Variants in MTUS2 observed in about 807,000 individuals in gnomAD.
MTUS2 encodes microtubule associated scaffold protein 2, also known as microtubule-associated tumor suppressor candidate 2.
Under a neutral mutation model 114.1 loss-of-function variants are expected in MTUS2, and 40 were observed. The observed-to-expected ratio is 0.35, with a 90% CI of 0.27 to 0.46. The LOEUF (loss-of-function observed/expected upper bound fraction) is 0.46, where lower values mean the gene tolerates loss of function less well. MTUS2 is among the 20% of genes least tolerant of loss of function. The pLI is 1.00. For synonymous variants in MTUS2, 688 were observed against 672.0 expected, an observed-to-expected ratio of 1.02 and a Z score of -0.37; for missense variants, 1,679 against 1,705.4, an observed-to-expected ratio of 0.98 and a Z score of 0.27.
At chr13:29,313,239 G>A (rs938210473) in intron 6 of MTUS2, among the ~76,000 whole-genome samples, 1 of 152,130 alleles carries the variant, frequency 6.6e-6, no homozygotes, top group African/African-American at 2.4e-5. Flanking sequence ...TTACGAAGTT[G>A]CAGTGACTGT....
At chr13:29,305,328 A>G (rs1371284667) in intron 6 of MTUS2, among the ~76,000 whole-genome samples, 2 of 146,576 alleles carry the variant, frequency 1.4e-5, no homozygotes, top group East Asian at 4.0e-4. Flanking sequence ...AAAACCTGTT[A>G]AAAAATCAAC....
At chr13:29,080,530 T>C (rs924853623) in intron 4 of MTUS2, among the ~76,000 whole-genome samples, 4 of 152,182 alleles carry the variant, frequency 2.6e-5, no homozygotes, top group Non-Finnish European at 5.9e-5. Context: ...ATCTCAAAGC[T>C]GAAGAACTTG....
At chr13:28,988,345 CTA>C (rs1323143248) in intron 2 of MTUS2, among the ~76,000 whole-genome samples, 1 of 152,174 alleles carries the variant, frequency 6.6e-6, no homozygotes, top group Non-Finnish European at 1.5e-5. Context: ...ACCTACCTGG[CTA>C]TGTCATCATG....
chr13:28,981,038 C>CAT (rs1884335243), intron 2 of MTUS2, among the ~76,000 whole-genome samples: 1 of 152,188 alleles, frequency 6.6e-6, no homozygotes, highest in South Asian at 2.1e-4. Flanking sequence ...CTCAGGAGAC[C>CAT]TTGAATGGAA....
intron 8 of MTUS2, among the ~76,000 whole-genome samples, chr13:29,372,438 C>T (rs551457440): frequency 6.6e-6 from 1 of 151,968 alleles, no homozygotes; most frequent in African/African-American, 2.4e-5. Flanking sequence ...TTTCTTGCTG[C>T]CCTAAATTAC....
chr13:28,917,765 G>A (rs1286747838), intron 2 of MTUS2, among the ~76,000 whole-genome samples: 1 of 151,690 alleles, frequency 6.6e-6, no homozygotes, highest in Non-Finnish European at 1.5e-5. Context: ...CTAATTTTGG[G>A]TTTGGCTTGC....
At chr13:29,017,760 G>C (rs1281510876) in intron 2 of MTUS2, among the ~76,000 whole-genome samples, 2 of 151,866 alleles carry the variant, frequency 1.3e-5, no homozygotes, top group Non-Finnish European at 2.9e-5. Flanking sequence ...CTGAGGTTAG[G>C]ATGAGATTAC....
At chr13:29,339,732 A>G in intron 7 of MTUS2, 1 of 179,994 alleles carries the variant, frequency 5.6e-6, no homozygotes, top group East Asian at 1.8e-4. Flanking sequence ...ATACGGGCAT[A>G]GTCCCAGTTG....
Position 29,098,682 on chromosome 13 carries a change from C to G in MTUS2, c.2447-2091C>G, listed in dbSNP as rs1471902476. On this transcript the variant is annotated intron_variant, in intron 4 of 15. Transcript: ENST00000612955. ...AACAATAATGGAATATAAGTAAGTG[C>G]AGAATAAGATAAATTTCTTTTTGAA... Among the ~76,000 whole-genome samples the G allele has an allele frequency of 3.9e-5, 6 of 152,268 alleles. No homozygotes were observed. The East Asian group carries it at 1.2e-3, about 29-fold the overall frequency.
chr13:28,901,677 G>C (rs1879652069), intron 2 of MTUS2, among the ~76,000 whole-genome samples: 2 of 152,108 alleles, frequency 1.3e-5, no homozygotes, highest in Non-Finnish European at 1.5e-5. Context: ...ATATTTTTGT[G>C]AATCTATCTC....
intron 4 of MTUS2, among the ~76,000 whole-genome samples, chr13:29,096,893 G>A (rs116060458): frequency 0.011 from 1,707 of 152,256 alleles, 31 homozygotes; most frequent in African/African-American, 0.039. Flanking sequence ...ATTGGGAAAT[G>A]GTGATTGGGG....
At chr13:28,965,607 CAT>C (rs746458090) in intron 2 of MTUS2, among the ~76,000 whole-genome samples, 22 of 152,032 alleles carry the variant, frequency 1.4e-4, no homozygotes, top group Non-Finnish European at 2.9e-4. Context: ...CACATATATA[CAT>C]ATATGTGTGT....
chr13:29,410,020 A>C (rs1035291610), intron 8 of MTUS2, among the ~76,000 whole-genome samples: 1 of 152,106 alleles, frequency 6.6e-6, no homozygotes, highest in Non-Finnish European at 1.5e-5. Flanking sequence ...GTTTTATTAG[A>C]TTTTGCCAAA....
chr13:29,472,427 G>T (rs1056324145), intron 9 of MTUS2, among the ~76,000 whole-genome samples: 5 of 152,204 alleles, frequency 3.3e-5, no homozygotes, highest in South Asian at 2.1e-4. Context: ...ACAGGGTAGT[G>T]TGTCCGGGAT....
chr13:29,253,104 T>G lies in MTUS2; in HGVS notation c.2645-28600T>G, dbSNP rs149377991. 4.0e-5 allele frequency among the ~76,000 whole-genome samples: 6 copies of G among 150,156 alleles called. No individual in the cohort carries two copies. In the East Asian group the frequency reaches 1.2e-3, roughly 30 times the overall value. ...CTTTTTTTTTTTTCTTCTCAGGGCC[T>G]CATCCTGGGTTATTTTCTCTCTCTA... On this transcript the variant is annotated intron_variant, in intron 5 of 15. Coordinates refer to ENST00000612955, the MANE Select transcript of MTUS2 (RefSeq NM_001033602.4).
Position 29,504,582 on chromosome 13 carries a change from G to C in MTUS2, c.*1376G>C, listed in dbSNP as rs12050069. On this transcript the variant is annotated 3_prime_UTR_variant, in exon 16 of 16. Transcript: ENST00000612955. ...GCCCAGTGAAACAGCCAGCCAGGGGGCACCAGCTCCTGGACTGGCATCTGT... is the reference window on the plus strand; with the variant it reads ...GCCCAGTGAAACAGCCAGCCAGGGGCCACCAGCTCCTGGACTGGCATCTGT... 27,594 of 232,748 alleles carry C rather than the reference G, an allele frequency of 0.12. 4,617 individuals carry two copies. The highest frequency in any genetic ancestry group is 0.65 in the East Asian group (10,666 of 16,514). The allele number at this position is 232,748 out of a possible 1,614,324, so 14.4% of individuals were successfully genotyped here.
chr13:28,921,734 T>C (rs1881051874), intron 2 of MTUS2, among the ~76,000 whole-genome samples: 1 of 152,210 alleles, frequency 6.6e-6, no homozygotes, highest in South Asian at 2.1e-4. Flanking sequence ...CCTCTCTGGC[T>C]AAGTCTGGTC....
intron 4 of MTUS2, among the ~76,000 whole-genome samples, chr13:29,099,470 A>G (rs1209990981): frequency 6.7e-6 from 1 of 150,206 alleles, no homozygotes; most frequent in Non-Finnish European, 1.5e-5. Flanking sequence ...GTACTTTTCT[A>G]TGTACCATTT....
At chr13:29,418,002 A>G (rs1362412999) in intron 8 of MTUS2, among the ~76,000 whole-genome samples, 1 of 152,078 alleles carries the variant, frequency 6.6e-6, no homozygotes, top group African/African-American at 2.4e-5. Flanking sequence ...AGGGATTTGT[A>G]TCTTTTGATT....
Sources: allele counts gnomAD v4.1 joint callset (sites outside exome capture counted in the v4.1 genomes callset), GRCh38; gene constraint gnomAD v4.1.1; transcripts MANE v1.5; gene names NCBI Gene and HGNC (gene_info 2026-07-23, HGNC 2026-07-21).